The following PCDH9 variants were observed in gnomAD, a reference collection of about 807,000 sequenced individuals.
The protein encoded by PCDH9 is protocadherin 9.
Under a neutral mutation model 70.6 loss-of-function variants are expected in PCDH9, and 24 were observed. That is an observed-to-expected ratio of 0.34 (90% CI 0.25 to 0.48). The LOEUF (loss-of-function observed/expected upper bound fraction) is 0.48. Among genes scored for constraint, PCDH9 ranks in the 20% least tolerant of loss-of-function variants. The probability of loss-of-function intolerance (pLI) is 0.99; values close to 1 mark genes in which losing one functional copy is unlikely to be tolerated. For missense variants in PCDH9, 1,281 were observed against 1,503.6 expected (o/e 0.85, Z 2.45); for synonymous variants, 562 against 558.5 (o/e 1.01, Z -0.09).
intron 2 of PCDH9, among the ~76,000 whole-genome samples, chr13:67,046,617 G>T (rs904513393): frequency 6.6e-6 from 1 of 151,812 alleles, no homozygotes; most frequent in Non-Finnish European, 1.5e-5. Flanking sequence ...ACAATCTATT[G>T]AGGGAATATA....
chr13:66,322,876 C>CA (rs1283270224), intron 4 of PCDH9, among the ~76,000 whole-genome samples: 1 of 151,818 alleles, frequency 6.6e-6, no homozygotes, highest in Non-Finnish European at 1.5e-5. Flanking sequence ...AAATGGATTA[C>CA]AAAAAAAGTA....
At chr13:66,702,400 T>C (rs1220986015) in intron 3 of PCDH9, among the ~76,000 whole-genome samples, 4 of 152,102 alleles carry the variant, frequency 2.6e-5, no homozygotes, top group African/African-American at 7.2e-5. Flanking sequence ...AGAATGATAG[T>C]TGCCAGGGAC....
At chr13:66,721,867 C>T (rs1426872128) in intron 3 of PCDH9, among the ~76,000 whole-genome samples, 1 of 152,158 alleles carries the variant, frequency 6.6e-6, no homozygotes, top group East Asian at 1.9e-4. Flanking sequence ...CATTCTGCCT[C>T]AAGTACTAGA....
intron 2 of PCDH9, among the ~76,000 whole-genome samples, chr13:67,128,480 C>T (rs2087032235): frequency 6.6e-6 from 1 of 152,248 alleles, no homozygotes; most frequent in South Asian, 2.1e-4. Flanking sequence ...TACATGACCT[C>T]GTGCTGAAAC....
At chr13:66,755,794 A>G (rs555180387) in intron 3 of PCDH9, among the ~76,000 whole-genome samples, 3 of 152,292 alleles carry the variant, frequency 2.0e-5, no homozygotes, top group South Asian at 4.1e-4. Flanking sequence ...GAACAAAACA[A>G]TGGAATAGAA....
chr13:66,397,458 ATATATATATGTGTGTGTGTG>A (rs1186447898), intron 4 of PCDH9, among the ~76,000 whole-genome samples: 3 of 70,802 alleles, frequency 4.2e-5, no homozygotes, highest in South Asian at 1.4e-3. Context: ...GTGTGTGTGT[ATATATATATGTGTGTGTGTG>A]TATATATATA....
intron 2 of PCDH9, among the ~76,000 whole-genome samples, chr13:67,146,410 A>G (rs1430677378): frequency 1.3e-5 from 2 of 152,182 alleles, no homozygotes; most frequent in African/African-American, 4.8e-5. Context: ...ATTTCCTCCA[A>G]GTGAAATGTA....
At chr13:67,053,630 C>T (rs890371753) in intron 2 of PCDH9, among the ~76,000 whole-genome samples, 2 of 152,140 alleles carry the variant, frequency 1.3e-5, no homozygotes, top group African/African-American at 2.4e-5. Flanking sequence ...TATATTTGTG[C>T]ACTCAAACAA....
intron 3 of PCDH9, among the ~76,000 whole-genome samples, chr13:66,673,971 A>G (rs1344608771): frequency 6.6e-6 from 1 of 152,130 alleles, no homozygotes; most frequent in South Asian, 2.1e-4. Context: ...TCATTCTATT[A>G]CCACCAACAC....
chr13:67,063,796 C>A (rs754996846), intron 2 of PCDH9, among the ~76,000 whole-genome samples: 3 of 152,108 alleles, frequency 2.0e-5, no homozygotes, highest in Non-Finnish European at 4.4e-5. Context: ...GCAGCCATAA[C>A]ACAAATGTGC....
chr13:66,909,391 G>A (rs1200377982), intron 2 of PCDH9, among the ~76,000 whole-genome samples: 4 of 151,902 alleles, frequency 2.6e-5, no homozygotes, highest in Admixed American at 1.3e-4. Context: ...TATGGATTCA[G>A]TGCAATCCCT....
intron 2 of PCDH9, among the ~76,000 whole-genome samples, chr13:66,922,316 A>C (rs1162415986): frequency 6.6e-6 from 1 of 151,398 alleles, no homozygotes; most frequent in Non-Finnish European, 1.5e-5. Context: ...AATTATTAAA[A>C]ATTGATCAGT....
At chr13:66,838,366 C>T (rs987850936) in intron 3 of PCDH9, among the ~76,000 whole-genome samples, 68 of 151,322 alleles carry the variant, frequency 4.5e-4, no homozygotes, top group African/African-American at 1.5e-3. Flanking sequence ...ATATTCAATT[C>T]TTTTTTTAAA....
At chr13:66,771,494 T>C (rs2079806196) in intron 3 of PCDH9, among the ~76,000 whole-genome samples, 1 of 152,154 alleles carries the variant, frequency 6.6e-6, no homozygotes, top group African/African-American at 2.4e-5. Context: ...TATTAAACCA[T>C]TAAGTACAAT....
At chr13:66,692,325 T>G (rs1203396337) in intron 3 of PCDH9, among the ~76,000 whole-genome samples, 1 of 152,088 alleles carries the variant, frequency 6.6e-6, no homozygotes, top group Admixed American at 6.6e-5. Flanking sequence ...TCCTTTACCC[T>G]GTTGGACTGA....
intron 2 of PCDH9, among the ~76,000 whole-genome samples, chr13:66,910,482 C>A (rs1455239702): frequency 6.6e-6 from 1 of 151,998 alleles, no homozygotes; most frequent in Admixed American, 6.6e-5. Flanking sequence ...TAAATGGAAC[C>A]AGTACGTTCC....
At chr13:66,924,361 C>T (rs1227126103) in intron 2 of PCDH9, among the ~76,000 whole-genome samples, 2 of 151,666 alleles carry the variant, frequency 1.3e-5, no homozygotes, top group Non-Finnish European at 2.9e-5. Context: ...CTTCCTACCA[C>T]GTTATTGTTT....
intron 3 of PCDH9, among the ~76,000 whole-genome samples, chr13:66,744,345 T>G (rs970479253): frequency 6.6e-6 from 1 of 152,214 alleles, no homozygotes; most frequent in African/African-American, 2.4e-5. Context: ...ATGGATCGCA[T>G]GCATAAAACT....
intron 2 of PCDH9, among the ~76,000 whole-genome samples, chr13:67,140,027 C>A (rs1395476928): frequency 2.6e-5 from 1 of 38,744 alleles, no homozygotes; most frequent in Non-Finnish European, 4.8e-5. Flanking sequence ...TTTTGATCAC[C>A]CCCCCCCCCC....
Sources: allele counts gnomAD v4.1 joint callset (sites outside exome capture counted in the v4.1 genomes callset), GRCh38; gene constraint gnomAD v4.1.1; transcripts MANE v1.5; gene names NCBI Gene and HGNC (gene_info 2026-07-23, HGNC 2026-07-21).